Variants in PPP2R5E observed in about 807,000 individuals in gnomAD.
The protein encoded by PPP2R5E is protein phosphatase 2 regulatory subunit B'epsilon, also known as serine/threonine-protein phosphatase 2A 56 kDa regulatory subunit epsilon isoform.
PPP2R5E carries 4 observed loss-of-function variants against 65.3 expected under a neutral mutation model. That is an observed-to-expected ratio of 0.06 (90% CI 0.03 to 0.14). The LOEUF (loss-of-function observed/expected upper bound fraction) is 0.14. Among genes scored for constraint, PPP2R5E ranks in the 10% least tolerant of loss-of-function variants. The pLI is 1.00. For synonymous variants in PPP2R5E, 183 were observed against 187.4 expected, an observed-to-expected ratio of 0.98 and a Z score of 0.19; for missense variants, 274 against 556.1, an observed-to-expected ratio of 0.49 and a Z score of 5.10.
At chr14:63,425,398 T>C (rs1887277023) in intron 3 of PPP2R5E, among the ~76,000 whole-genome samples, 1 of 152,236 alleles carries the variant, frequency 6.6e-6, no homozygotes, top group Non-Finnish European at 1.5e-5. Context: ...CATTAAACTA[T>C]ACATGTAATT....
intron 5 of PPP2R5E, among the ~76,000 whole-genome samples, chr14:63,413,022 T>G (rs1225960536): frequency 6.6e-6 from 1 of 152,118 alleles, no homozygotes; most frequent in Non-Finnish European, 1.5e-5. Context: ...AAAAAAGAAC[T>G]TCCTAACAAA....
chr14:63,467,230 ACAAAC>A lies in PPP2R5E; in HGVS notation c.158-13350_158-13346del, dbSNP rs1435759221. ...AGAGCAAGACTCCGTCTCAAAAAAAACAAACAAACAAACAAAAAAAACACTATTTA... is the reference window on the plus strand; with the variant it reads ...AGAGCAAGACTCCGTCTCAAAAAAAAAAACAAACAAAAAAAACACTATTTA... On this transcript the variant is annotated intron_variant, in intron 2 of 13. Coordinates refer to ENST00000337537, the MANE Select transcript of PPP2R5E (RefSeq NM_006246.5). 1.1e-3 allele frequency among the ~76,000 whole-genome samples: 155 copies of A among 138,502 alleles called. 2 individuals carry two copies. Among genetic ancestry groups the A allele is most frequent in the Middle Eastern group, 3.5e-3 (1 of 284 alleles). 90.9% of individuals were successfully genotyped at this position (138,502 alleles called of 152,430 possible).
At chr14:63,434,102 T>A (rs1263664236) in intron 3 of PPP2R5E, among the ~76,000 whole-genome samples, 2 of 152,240 alleles carry the variant, frequency 1.3e-5, no homozygotes, top group Non-Finnish European at 2.9e-5. Flanking sequence ...TATACCCTAT[T>A]TACTCAAAAG....
chr14:63,513,105 G>A (rs902517435), intron 2 of PPP2R5E, among the ~76,000 whole-genome samples: 3 of 151,962 alleles, frequency 2.0e-5, no homozygotes, highest in Non-Finnish European at 2.9e-5. Context: ...CTGTTTGGAT[G>A]GTTAAATGAA....
At chr14:63,425,197 T>C (rs1887265958) in intron 3 of PPP2R5E, among the ~76,000 whole-genome samples, 1 of 152,246 alleles carries the variant, frequency 6.6e-6, no homozygotes, top group South Asian at 2.1e-4. Flanking sequence ...AATATGCTTT[T>C]GCTATCGCTA....
chr14:63,382,012 C>CA (rs1884393776), intron 13 of PPP2R5E, 44 bp downstream of exon 13: 3 of 1,490,548 alleles, frequency 2.0e-6, no homozygotes, highest in Non-Finnish European at 2.8e-6. Flanking sequence ...GGAAAAAACT[C>CA]AATAGCTTTA....
intron 3 of PPP2R5E, among the ~76,000 whole-genome samples, chr14:63,447,701 G>A (rs548072195): frequency 1.3e-5 from 2 of 152,314 alleles, no homozygotes; most frequent in African/African-American, 4.8e-5. Flanking sequence ...TCTGATGCAA[G>A]AGGCCTAGCT....
In PPP2R5E at chr14:63,415,197, G is replaced by A. The variant is rs990309297; in HGVS notation, c.492C>T (p.Ser164=). The A allele has an allele frequency of 1.1e-5, 18 of 1,604,296 alleles. No individual in the cohort carries two copies. Among genetic ancestry groups the A allele is most frequent in the Non-Finnish European group, 7.7e-6 (9 of 1,172,692 alleles). Residue 164 remains serine (S), a synonymous_variant, in exon 5 of 14, where the codon AGC becomes AGT. Transcript: ENST00000337537. ...VYEFFIRFLE[S]QEFQPSIAKK... ...TGGCAATGCTGGGTTGGAATTCTTG[G>A]CTTTCCAAAAATCGTATGAAAAATT...
At chr14:63,436,745 C>A (rs777765805) in intron 3 of PPP2R5E, among the ~76,000 whole-genome samples, 2 of 152,160 alleles carry the variant, frequency 1.3e-5, no homozygotes, top group Admixed American at 1.3e-4. Flanking sequence ...TGAAGGAAAC[C>A]AAGAGAAGGA....
chr14:63,414,736 T>C (rs1886600990), intron 5 of PPP2R5E, among the ~76,000 whole-genome samples: 1 of 152,168 alleles, frequency 6.6e-6, no homozygotes, highest in Non-Finnish European at 1.5e-5. Context: ...AGGTTACTTA[T>C]GCTTTGAAGT....
chr14:63,378,782 A>G (rs1374078031), intron 13 of PPP2R5E, among the ~76,000 whole-genome samples: 6 of 152,240 alleles, frequency 3.9e-5, no homozygotes, highest in Non-Finnish European at 8.8e-5. Flanking sequence ...TAACAGTGTT[A>G]AGTACTTATT....
intron 5 of PPP2R5E, among the ~76,000 whole-genome samples, chr14:63,414,250 C>T (rs1367940869): frequency 6.6e-6 from 1 of 152,158 alleles, no homozygotes; most frequent in South Asian, 2.1e-4. Flanking sequence ...CAGTAAGGCA[C>T]AGGAGACCAA....
At chr14:63,539,811 G>T in intron 1 of PPP2R5E, 119 bp from the exon 2 acceptor site, 1 of 1,092,898 alleles carries the variant, frequency 9.1e-7, no homozygotes, top group Non-Finnish European at 1.3e-6. Context: ...ATGTGCTAAA[G>T]AAAATAAAAT....
chr14:63,514,964 T>G (rs1892606588), intron 2 of PPP2R5E, among the ~76,000 whole-genome samples: 1 of 152,292 alleles, frequency 6.6e-6, no homozygotes, highest in South Asian at 2.1e-4. Context: ...AATTCTAAGA[T>G]TTCTGCCTAG....
chr14:63,521,161 C>T (rs927224031), intron 2 of PPP2R5E, among the ~76,000 whole-genome samples: 9 of 152,190 alleles, frequency 5.9e-5, no homozygotes, highest in African/African-American at 2.2e-4. Flanking sequence ...TATACCATTT[C>T]TAGAACATCT....
At chr14:63,508,908 C>A (rs1427996352) in intron 2 of PPP2R5E, among the ~76,000 whole-genome samples, 1 of 152,234 alleles carries the variant, frequency 6.6e-6, no homozygotes, top group Non-Finnish European at 1.5e-5. Context: ...AGAGAAATCA[C>A]ATGTCTCAGC....
intron 3 of PPP2R5E, among the ~76,000 whole-genome samples, chr14:63,447,543 T>A (rs770159676): frequency 1.3e-5 from 2 of 152,258 alleles, no homozygotes; most frequent in Non-Finnish European, 2.9e-5. Flanking sequence ...ACGTTGTGGC[T>A]GGTTTGATAT....
intron 3 of PPP2R5E, among the ~76,000 whole-genome samples, chr14:63,427,235 C>T (rs1258982014): frequency 6.6e-6 from 1 of 152,182 alleles, no homozygotes; most frequent in South Asian, 2.1e-4. Context: ...TCCAAAGTCA[C>T]AAACGGTCTC....
chr14:63,461,341 C>G (rs1463995429), intron 2 of PPP2R5E, among the ~76,000 whole-genome samples: 2 of 137,428 alleles, frequency 1.5e-5, no homozygotes, highest in South Asian at 4.4e-4. Flanking sequence ...AGTAAAATTA[C>G]AGAAAAAAAA....
Sources: gnomAD v4.1 joint callset for allele counts (sites outside exome capture counted in the v4.1 genomes callset) on GRCh38, gnomAD v4.1.1 for gene constraint, MANE v1.5 for transcripts, NCBI Gene and HGNC (gene_info 2026-07-23, HGNC 2026-07-21) for gene names.